The following TES variants were observed in gnomAD, a reference collection of about 807,000 sequenced individuals.
TES encodes testin LIM domain protein, also known as testin.
In TES, 41 loss-of-function variants were observed where a neutral mutation model predicts 48.2. The observed-to-expected ratio is 0.85, with a 90% CI of 0.66 to 1.10. The LOEUF (loss-of-function observed/expected upper bound fraction) is 1.10. Among genes scored for constraint, TES ranks in the 50% least tolerant of loss-of-function variants. TES has a pLI of 0.00. For missense variants in TES, 463 were observed against 515.1 expected (o/e 0.90, Z 0.98); for synonymous variants, 162 against 174.9 (o/e 0.93, Z 0.58).
intron 6 of TES, 103 bp from the exon 7 acceptor site, chr7:116,257,191 T>A: frequency 7.8e-7 from 1 of 1,275,946 alleles, no homozygotes; most frequent in Non-Finnish European, 1.1e-6. Context: ...GAGGTTGTCA[T>A]TATGAGTTTT....
chr7:116,234,881 G>A (rs1486883450), intron 2 of TES, among the ~76,000 whole-genome samples: 2 of 152,174 alleles, frequency 1.3e-5, no homozygotes, highest in African/African-American at 4.8e-5. Flanking sequence ...CTGAAATACT[G>A]AATATATCAT....
chr7:116,244,366 A>G (rs1799892946), intron 2 of TES, among the ~76,000 whole-genome samples: 1 of 152,222 alleles, frequency 6.6e-6, no homozygotes, highest in Non-Finnish European at 1.5e-5. Flanking sequence ...CAGCCATTCC[A>G]AATGGGAGAA....
At chr7:116,225,442 T>A (rs1799610900) in intron 1 of TES, among the ~76,000 whole-genome samples, 1 of 152,140 alleles carries the variant, frequency 6.6e-6, no homozygotes, top group Non-Finnish European at 1.5e-5. Flanking sequence ...TTTGTTAAAG[T>A]CCCAGAAAAC....
In TES at chr7:116,210,628, C is replaced by G. The variant is rs1445084403; in HGVS notation, c.-80C>G. Reference sequence around the variant, plus strand: ...GGGAGTTCCGCAGGTTTCCCGTGTTCGCAGCGGAGCCGGAGGCCAGCTGAA... The same window carrying G: ...GGGAGTTCCGCAGGTTTCCCGTGTTGGCAGCGGAGCCGGAGGCCAGCTGAA... On this transcript the variant is annotated 5_prime_UTR_variant, in exon 1 of 7. Transcript: ENST00000358204. The G allele has an allele frequency of 5.5e-6, 7 of 1,269,680 alleles. No individual in the cohort carries two copies. Among genetic ancestry groups the G allele is most frequent in the South Asian group, 2.7e-5 (1 of 37,520 alleles). 78.7% of individuals were successfully genotyped at this position (1,269,680 alleles called of 1,614,324 possible).
chr7:116,247,580 A>G (rs762898768), intron 2 of TES, among the ~76,000 whole-genome samples: 21 of 152,042 alleles, frequency 1.4e-4, no homozygotes, highest in Admixed American at 3.3e-4. Context: ...CAGTGAATTC[A>G]TTGAAAAAAT....
chr7:116,249,332 A>C, intron 3 of TES, 60 bp downstream of exon 3: 1 of 1,597,698 alleles, frequency 6.3e-7, no homozygotes, highest in Non-Finnish European at 8.5e-7. Flanking sequence ...TATTTGGGGC[A>C]GTTTCTTTGA....
intron 1 of TES, among the ~76,000 whole-genome samples, chr7:116,215,480 G>A (rs764278895): frequency 7.2e-5 from 11 of 152,124 alleles, no homozygotes; most frequent in Non-Finnish European, 1.5e-4. Context: ...TTTGGGCAGA[G>A]GCAAAGTATA....
chr7:116,257,206 T>C (rs1465501360), intron 6 of TES, 88 bp from the exon 7 acceptor site: 2 of 1,361,810 alleles, frequency 1.5e-6, no homozygotes, highest in Non-Finnish European at 9.9e-7. Context: ...AGTTTTAATT[T>C]ATCATCTAAA....
chr7:116,245,331 G>A (rs1799907690), intron 2 of TES, among the ~76,000 whole-genome samples: 1 of 151,978 alleles, frequency 6.6e-6, no homozygotes, highest in African/African-American at 2.4e-5. Flanking sequence ...CAAGTTCAAA[G>A]TTTTGCCCCT....
intron 1 of TES, among the ~76,000 whole-genome samples, chr7:116,230,068 C>A (rs755694408): frequency 1.2e-4 from 18 of 152,100 alleles, no homozygotes; most frequent in Non-Finnish European, 2.5e-4. Flanking sequence ...AAGTTTATTG[C>A]CAGTCTGAAA....
chr7:116,228,745 G>A (rs1799656049), intron 1 of TES, among the ~76,000 whole-genome samples: 1 of 151,864 alleles, frequency 6.6e-6, no homozygotes, highest in South Asian at 2.1e-4. Flanking sequence ...TTGAGCAGAT[G>A]ACCATGCTGA....
intron 2 of TES, among the ~76,000 whole-genome samples, chr7:116,241,162 T>G (rs891875740): frequency 2.0e-5 from 3 of 152,316 alleles, no homozygotes; most frequent in East Asian, 1.9e-4. Flanking sequence ...CACAACAAGG[T>G]TTTTCTTTTA....
chr7:116,233,682 T>C (rs1799729466), intron 1 of TES, among the ~76,000 whole-genome samples: 2 of 152,238 alleles, frequency 1.3e-5, no homozygotes, highest in African/African-American at 4.8e-5. Flanking sequence ...CTTAGTCTAT[T>C]CCTGCTGCCA....
chr7:116,223,500 T>C (rs1799582430), intron 1 of TES, among the ~76,000 whole-genome samples: 1 of 152,208 alleles, frequency 6.6e-6, no homozygotes, highest in South Asian at 2.1e-4. Flanking sequence ...GTATATTTGG[T>C]ATTTTAATAA....
chr7:116,253,000 A>C (rs1308507123), intron 6 of TES, among the ~76,000 whole-genome samples: 1 of 152,228 alleles, frequency 6.6e-6, no homozygotes, highest in Non-Finnish European at 1.5e-5. Context: ...AAACATTCCA[A>C]TGTGAAAGTA....
chr7:116,241,688 AG>A (rs767199955), intron 2 of TES, among the ~76,000 whole-genome samples: 30,527 of 152,114 alleles, frequency 0.2, 3,374 homozygotes, highest in East Asian at 0.42. Flanking sequence ...ATGACTTCTT[AG>A]GTATTTCTTT....
At chr7:116,218,966 A>C (rs1799525824) in intron 1 of TES, among the ~76,000 whole-genome samples, 1 of 152,176 alleles carries the variant, frequency 6.6e-6, no homozygotes, top group South Asian at 2.1e-4. Context: ...CTAATTGCCT[A>C]CTGTCAGTTT....
chr7:116,247,475 C>G (rs1007461934), intron 2 of TES, among the ~76,000 whole-genome samples: 1 of 151,886 alleles, frequency 6.6e-6, no homozygotes, highest in Non-Finnish European at 1.5e-5. Flanking sequence ...GGGTTACACT[C>G]AGACATGTCC....
At chr7:116,235,286 T>C (rs1799754757) in intron 2 of TES, among the ~76,000 whole-genome samples, 1 of 152,200 alleles carries the variant, frequency 6.6e-6, no homozygotes, top group Admixed American at 6.5e-5. Flanking sequence ...TCTTAAAAAT[T>C]GGTAACTTTA....
Sources: allele counts gnomAD v4.1 joint callset (sites outside exome capture counted in the v4.1 genomes callset), GRCh38; gene constraint gnomAD v4.1.1; transcripts MANE v1.5; gene names NCBI Gene and HGNC (gene_info 2026-07-23, HGNC 2026-07-21).